Variants in SACS observed in about 807,000 individuals in gnomAD.
SACS encodes sacsin molecular chaperone.
SACS carries 197 observed loss-of-function variants against 348.0 expected under a neutral mutation model. That is an observed-to-expected ratio of 0.57 (90% CI 0.50 to 0.64). The LOEUF is 0.64. SACS is among the 30% of genes least tolerant of loss of function. The pLI, the probability that SACS is intolerant of heterozygous loss-of-function variation, is 0.00. For synonymous variants in SACS, 1,985 were observed against 1,910.6 expected, an observed-to-expected ratio of 1.04 and a Z score of -1.02; for missense variants, 4,999 against 5,360.8, an observed-to-expected ratio of 0.93 and a Z score of 2.11.
In SACS at chr13:23,339,995, G is replaced by A. The variant is rs1593132075; in HGVS notation, c.3881C>T (p.Pro1294Leu). Residue 1294 changes from proline (P) to leucine (L), a missense_variant, in exon 10 of 10, where the codon CCA becomes CTA. This residue lies in a region of SACS where 3,156 missense variants were observed against 3,380.1 expected (regional missense o/e 0.93). Transcript: ENST00000382292. ...FCPLAQAVIKPIHDLDLQPYL... is the reference protein window; with the variant it reads ...FCPLAQAVIKLIHDLDLQPYL... ...AGGCTGAAGGTCAAGATCATGGATT[G>A]GTTTAATCACAGCCTGGGCAAGTGG... 6.2e-7 allele frequency: 1 copy of A among 1,613,302 alleles called. No homozygotes were observed. Among genetic ancestry groups the A allele is most frequent in the Non-Finnish European group, 8.5e-7 (1 of 1,179,698 alleles).
In SACS at chr13:23,334,422, C is replaced by T. The variant is rs1009611218; in HGVS notation, c.9454G>A (p.Gly3152Arg). 6.8e-6 allele frequency: 11 copies of T among 1,612,608 alleles called. No individual in the cohort carries two copies. Among genetic ancestry groups the T allele is most frequent in the Non-Finnish European group, 9.3e-6 (11 of 1,179,714 alleles). The change falls in exon 10 of 10, where the codon GGA (glycine) becomes AGA (arginine). Residue 3152 changes from glycine to arginine, a missense_variant. This residue lies in a region of SACS where 734 missense variants were observed against 694.0 expected (regional missense o/e 1.06). Coordinates refer to ENST00000382292, the MANE Select transcript of SACS (RefSeq NM_014363.6). ...TCCAGTGTGATGAGAAGGGGCAATC[C>T]CTCAACTTCAATCTCATTTTCTTCT... ...DAEENEIEVEGLPLLITLDSV... is the reference protein window; with the variant it reads ...DAEENEIEVERLPLLITLDSV...
intron 2 of SACS, among the ~76,000 whole-genome samples, chr13:23,388,491 A>G (rs561247550): frequency 0.16 from 17,217 of 107,096 alleles, 1,237 homozygotes; most frequent in Middle Eastern, 0.29. Flanking sequence ...GTGTGTGTAT[A>G]TATATATATA....
chr13:23,380,148 T>TGTGAGA (rs35527942), intron 2 of SACS, among the ~76,000 whole-genome samples: 86 of 147,778 alleles, frequency 5.8e-4, no homozygotes, highest in East Asian at 9.9e-4. Context: ...TGTGTGTGTG[T>TGTGAGA]GAGAGAGAGA....
At chr13:23,360,735 A>C (rs1327217242) in intron 6 of SACS, among the ~76,000 whole-genome samples, 1 of 147,244 alleles carries the variant, frequency 6.8e-6, no homozygotes, top group Non-Finnish European at 1.5e-5. Context: ...TTCCCCTCAG[A>C]TCCCCACTCT....
chr13:23,375,832 A>C (rs1871770291), intron 2 of SACS, among the ~76,000 whole-genome samples: 1 of 152,226 alleles, frequency 6.6e-6, no homozygotes, highest in Admixed American at 6.5e-5. Context: ...CAATAAGGGT[A>C]TACAGAGCGT....
At chr13:23,360,447 G>C (rs1278713393) in intron 6 of SACS, among the ~76,000 whole-genome samples, 1 of 148,836 alleles carries the variant, frequency 6.7e-6, no homozygotes, top group African/African-American at 2.5e-5. Flanking sequence ...GCTCGAGAAT[G>C]AACCTCTTGC....
chr13:23,414,035 T>A (rs1873605958), intron 1 of SACS, among the ~76,000 whole-genome samples: 1 of 152,232 alleles, frequency 6.6e-6, no homozygotes, highest in Non-Finnish European at 1.5e-5. Context: ...CCGTGCACAG[T>A]GGCTCACGCC....
intron 5 of SACS, among the ~76,000 whole-genome samples, chr13:23,367,601 G>T (rs974804968): frequency 1.3e-5 from 2 of 152,000 alleles, no homozygotes; most frequent in Admixed American, 1.3e-4. Flanking sequence ...TTTATTGTTT[G>T]TTTGTTTTTT....
chr13:23,412,407 C>CT (rs372385214), intron 1 of SACS, among the ~76,000 whole-genome samples: 42 of 120,502 alleles, frequency 3.5e-4, no homozygotes, highest in East Asian at 1.4e-3. Context: ...AATCCAAACC[C>CT]TTTTTTTTTT....
chr13:23,412,223 C>T (rs150421294), intron 1 of SACS, among the ~76,000 whole-genome samples: 308 of 152,214 alleles, frequency 2.0e-3, no homozygotes, highest in African/African-American at 7.1e-3. Context: ...CGCGCCACTG[C>T]ACTCCCCGCG....
At chr13:23,391,026 C>G (rs73443001) in intron 2 of SACS, among the ~76,000 whole-genome samples, 1 of 152,234 alleles carries the variant, frequency 6.6e-6, no homozygotes, top group South Asian at 2.1e-4. Context: ...GACGCCACCA[C>G]AGGCCGTGCC....
At chr13:23,382,982 T>C (rs7335204) in intron 2 of SACS, among the ~76,000 whole-genome samples, 7 of 139,070 alleles carry the variant, frequency 5.0e-5, no homozygotes, top group Admixed American at 3.0e-4. Flanking sequence ...TTTTTTTTGG[T>C]AGAGACGAGG....
chr13:23,352,192 AG>A (rs1353695855), intron 9 of SACS, among the ~76,000 whole-genome samples: 2 of 152,222 alleles, frequency 1.3e-5, no homozygotes, highest in Non-Finnish European at 1.5e-5. Flanking sequence ...CACCTTAGAA[AG>A]GATCTGCCAC....
At chr13:23,422,281 GAGA>G (rs1873982092) in intron 1 of SACS, among the ~76,000 whole-genome samples, 3 of 152,216 alleles carry the variant, frequency 2.0e-5, no homozygotes, top group South Asian at 2.1e-4. Flanking sequence ...CAAGCCATGT[GAGA>G]AGAAGCTTTG....
At position 23,329,253 on chromosome 13, in the gene SACS, G is replaced by GTT. The variant is rs942209831; in HGVS notation, c.*881_*882dup. 16 of 457,096 alleles carry GTT rather than the reference G, an allele frequency of 3.5e-5. No individual in the cohort carries two copies. The highest frequency in any genetic ancestry group is 2.2e-4 in the South Asian group (6 of 27,074). 28.3% of individuals were successfully genotyped at this position (457,096 alleles called of 1,614,324 possible). On this transcript the variant is annotated 3_prime_UTR_variant, in exon 10 of 10. Coordinates refer to ENST00000382292, the MANE Select transcript of SACS (RefSeq NM_014363.6). ...ACATGCCATATTGAAAGAAAAGGTT[G>GTT]TTTTTTTTTTAACTGCAGCACCTTT... is the stretch of plus-strand genomic sequence containing the variant.
intron 4 of SACS, 27 bp downstream of exon 4, chr13:23,371,051 A>G (rs777152273): frequency 6.4e-6 from 9 of 1,415,612 alleles, no homozygotes; most frequent in Non-Finnish European, 8.9e-6. Context: ...AACATGGTAT[A>G]TACTTCTGGT....
chr13:23,354,278 T>C (rs1870169328), intron 8 of SACS, among the ~76,000 whole-genome samples: 1 of 152,228 alleles, frequency 6.6e-6, no homozygotes, highest in Non-Finnish European at 1.5e-5. Flanking sequence ...GTTCTGCTAT[T>C]GAAATTTCCA....
intron 9 of SACS, among the ~76,000 whole-genome samples, chr13:23,347,215 T>A (rs1334246929): frequency 6.6e-6 from 1 of 152,224 alleles, no homozygotes; most frequent in Non-Finnish European, 1.5e-5. Context: ...CCTGATTTTT[T>A]AAATTTTTAA....
intron 2 of SACS, among the ~76,000 whole-genome samples, chr13:23,386,276 G>C (rs528465950): frequency 6.6e-6 from 1 of 152,372 alleles, no homozygotes; most frequent in East Asian, 1.9e-4. Context: ...CTGTTGCTTA[G>C]TGTAGTCACC....
Sources: allele counts gnomAD v4.1 joint callset (sites outside exome capture counted in the v4.1 genomes callset), GRCh38; gene constraint gnomAD v4.1.1; regional missense constraint gnomAD v4.1.1; transcripts MANE v1.5; gene names NCBI Gene and HGNC (gene_info 2026-07-23, HGNC 2026-07-21).